Variants in KCNH7 observed in about 807,000 individuals in gnomAD.
KCNH7 encodes potassium voltage-gated channel subfamily H member 7.
Under a neutral mutation model 120.8 loss-of-function variants are expected in KCNH7, and 49 were observed. The ratio of observed to expected loss-of-function variants is 0.41; its 90% CI spans 0.32 to 0.51. The LOEUF (loss-of-function observed/expected upper bound fraction) is 0.51. Among genes scored for constraint, KCNH7 ranks in the 20% least tolerant of loss-of-function variants. The pLI is 0.38. For missense variants in KCNH7, 1,097 were observed against 1,446.6 expected, an observed-to-expected ratio of 0.76 and a Z score of 3.92; for synonymous variants, 547 against 516.1, an observed-to-expected ratio of 1.06 and a Z score of -0.81.
intron 2 of KCNH7, among the ~76,000 whole-genome samples, chr2:162,813,274 G>T (rs543961917): frequency 6.6e-6 from 1 of 152,102 alleles, no homozygotes; most frequent in African/African-American, 2.4e-5. Context: ...TCAAAGAAAG[G>T]TGAGACAATC....
intron 2 of KCNH7, among the ~76,000 whole-genome samples, chr2:162,715,165 G>C (rs71424746): frequency 0.023 from 3,427 of 152,266 alleles, 74 homozygotes; most frequent in East Asian, 0.12. Flanking sequence ...TTAATTGGCT[G>C]ATGGTTCTGC....
chr2:162,831,803 G>T (rs2105618755), intron 2 of KCNH7, among the ~76,000 whole-genome samples: 1 of 152,292 alleles, frequency 6.6e-6, no homozygotes, highest in East Asian at 1.9e-4. Context: ...AAATAACTAA[G>T]AATTTCTCTC....
At chr2:162,455,308 T>G (rs190281046) in intron 6 of KCNH7, among the ~76,000 whole-genome samples, 31 of 152,312 alleles carry the variant, frequency 2.0e-4, no homozygotes, top group Middle Eastern at 3.4e-3. Flanking sequence ...GTGGATAAAC[T>G]TTTTGATGCC....
At chr2:162,653,823 A>G in intron 2 of KCNH7, among the ~76,000 whole-genome samples, 1 of 152,232 alleles carries the variant, frequency 6.6e-6, no homozygotes, top group East Asian at 1.9e-4. Flanking sequence ...GGAACAGAAT[A>G]GACAGCCCAG....
intron 6 of KCNH7, among the ~76,000 whole-genome samples, chr2:162,457,590 G>A (rs995942119): frequency 6.6e-5 from 10 of 152,038 alleles, no homozygotes; most frequent in East Asian, 1.9e-4. Flanking sequence ...AATTTTGTGC[G>A]AACACCAGGA....
chr2:162,552,779 G>C (rs1692715976), intron 2 of KCNH7, among the ~76,000 whole-genome samples: 1 of 152,214 alleles, frequency 6.6e-6, no homozygotes, highest in Non-Finnish European at 1.5e-5. Context: ...GCCGAAAGCA[G>C]TGATGAATAA....
chr2:162,728,992 G>GT (rs200678927), intron 2 of KCNH7, among the ~76,000 whole-genome samples: 3,673 of 148,614 alleles, frequency 0.025, 74 homozygotes, highest in East Asian at 0.11. Flanking sequence ...TAAGGTTCAA[G>GT]TTTTTTTTTT....
chr2:162,787,322 C>A (rs1467229265), intron 2 of KCNH7, among the ~76,000 whole-genome samples: 1 of 152,188 alleles, frequency 6.6e-6, no homozygotes, highest in Non-Finnish European at 1.5e-5. Flanking sequence ...CTCCTGCAGA[C>A]CCAGGTTCTA....
At chr2:162,445,413 A>T (rs189573539) in intron 7 of KCNH7, among the ~76,000 whole-genome samples, 85 of 152,290 alleles carry the variant, frequency 5.6e-4, no homozygotes, top group African/African-American at 1.8e-3. Flanking sequence ...GGAAAACTTA[A>T]CTTCTTTTGG....
At chr2:162,692,846 TAG>T (rs1054717709) in intron 2 of KCNH7, among the ~76,000 whole-genome samples, 33 of 152,158 alleles carry the variant, frequency 2.2e-4, no homozygotes, top group African/African-American at 7.5e-4. Flanking sequence ...CATCATAAGG[TAG>T]CCAACACACC....
At chr2:162,501,024 A>G (rs1235579024) in intron 6 of KCNH7, among the ~76,000 whole-genome samples, 3 of 152,120 alleles carry the variant, frequency 2.0e-5, no homozygotes, top group African/African-American at 4.8e-5. Flanking sequence ...GTGCTTAAAT[A>G]AAATTTCCAG....
intron 2 of KCNH7, chr2:162,537,960 A>G (rs1692169679): frequency 6.6e-6 from 1 of 152,096 alleles, no homozygotes; most frequent in Non-Finnish European, 1.5e-5. Context: ...ATTCCCTCAA[A>G]GCAGTTTCCT....
chr2:162,585,215 A>C (rs1158946450), intron 2 of KCNH7, among the ~76,000 whole-genome samples: 2 of 152,040 alleles, frequency 1.3e-5, no homozygotes, highest in Non-Finnish European at 2.9e-5. Context: ...AAACGTAAAT[A>C]GGACTACTCT....
chr2:162,485,704 GT>G (rs753478331), intron 6 of KCNH7, among the ~76,000 whole-genome samples: 26 of 152,226 alleles, frequency 1.7e-4, no homozygotes, highest in Admixed American at 1.2e-3. Context: ...AGTAATTCAG[GT>G]GCCTGCAGGT....
intron 6 of KCNH7, among the ~76,000 whole-genome samples, chr2:162,448,694 T>G (rs1047668551): frequency 6.6e-6 from 1 of 152,052 alleles, no homozygotes; most frequent in Non-Finnish European, 1.5e-5. Flanking sequence ...CAAACAGCAA[T>G]CTTGGAACTG....
At chr2:162,661,676 G>A (rs1488734579) in intron 2 of KCNH7, among the ~76,000 whole-genome samples, 3 of 151,856 alleles carry the variant, frequency 2.0e-5, no homozygotes, top group East Asian at 1.9e-4. Flanking sequence ...AAAATGTCTC[G>A]GTAAGAAGCT....
chr2:162,618,899 G>T (rs112690389), intron 2 of KCNH7, among the ~76,000 whole-genome samples: 20 of 152,266 alleles, frequency 1.3e-4, no homozygotes, highest in African/African-American at 4.3e-4. Flanking sequence ...AAGCAGTGTT[G>T]CTATGGATCA....
intron 2 of KCNH7, among the ~76,000 whole-genome samples, chr2:162,776,560 A>T (rs1683246920): frequency 6.6e-6 from 1 of 152,092 alleles, no homozygotes; most frequent in Non-Finnish European, 1.5e-5. Context: ...GAAGGAGAGA[A>T]AGGAGAAAGA....
chr2:162,629,207 T>C (rs1020991334), intron 2 of KCNH7, among the ~76,000 whole-genome samples: 1 of 152,060 alleles, frequency 6.6e-6, no homozygotes, highest in African/African-American at 2.4e-5. Flanking sequence ...TGGTCCCAAG[T>C]AGTTATGCTT....
Sources: allele counts gnomAD v4.1 joint callset (sites outside exome capture counted in the v4.1 genomes callset), GRCh38; gene constraint gnomAD v4.1.1; transcripts MANE v1.5; gene names NCBI Gene and HGNC (gene_info 2026-07-23, HGNC 2026-07-21).